RABGAP1L: variants seen among roughly 807,000 people sequenced by gnomAD.
The protein encoded by RABGAP1L is rab GTPase-activating protein 1-like.
A neutral mutation model predicts 137.7 loss-of-function variants in RABGAP1L; 63 were observed. The observed-to-expected ratio is 0.46, with a 90% confidence interval of 0.37 to 0.56. The LOEUF (loss-of-function observed/expected upper bound fraction) is 0.56. RABGAP1L is among the 20% of genes least tolerant of loss of function. The pLI is 0.00. For synonymous variants in RABGAP1L, 431 were observed against 433.7 expected (o/e 0.99, Z 0.08); for missense variants, 1,095 against 1,244.0 (o/e 0.88, Z 1.80).
At chr1:174,354,017 T>A (rs889050434) in intron 11 of RABGAP1L, among the ~76,000 whole-genome samples, 1 of 152,210 alleles carries the variant, frequency 6.6e-6, no homozygotes, top group African/African-American at 2.4e-5. Flanking sequence ...CTATCTGATT[T>A]CATGTTGTTG....
chr1:174,454,156 G>A (rs1040600567), intron 13 of RABGAP1L, among the ~76,000 whole-genome samples: 6 of 151,964 alleles, frequency 3.9e-5, no homozygotes, highest in Non-Finnish European at 7.4e-5. Context: ...CCAGCCACTC[G>A]GGAGGCTGAG....
At chr1:174,405,387 A>G (rs1649140361) in intron 13 of RABGAP1L, among the ~76,000 whole-genome samples, 1 of 152,136 alleles carries the variant, frequency 6.6e-6, no homozygotes, top group Non-Finnish European at 1.5e-5. Flanking sequence ...GCTTAATTAT[A>G]TGGCTGCTCT....
chr1:174,707,974 C>T (rs1375959525), intron 17 of RABGAP1L, among the ~76,000 whole-genome samples: 1 of 152,170 alleles, frequency 6.6e-6, no homozygotes, highest in African/African-American at 2.4e-5. Context: ...TTAGTCTTCA[C>T]AGAATAACTG....
In RABGAP1L at chr1:174,483,613, G is replaced by A. The variant is rs550810313; in HGVS notation, c.1710+89468G>A. 5.3e-5 allele frequency among the ~76,000 whole-genome samples: 8 copies of A among 152,170 alleles called. No homozygotes were observed. The South Asian group carries it at 1.5e-3, about 28-fold the overall frequency. Reference sequence around the variant, plus strand: ...TCCCAGCACTTTGGGAGGCTGAGGTGGTCAGAAGTTTGAGAACAGCCTGGC... The same window carrying A: ...TCCCAGCACTTTGGGAGGCTGAGGTAGTCAGAAGTTTGAGAACAGCCTGGC... On this transcript the variant is annotated intron_variant, in intron 13 of 25. Transcript: ENST00000681986.
chr1:174,664,279 C>T (rs1289466070), intron 14 of RABGAP1L, among the ~76,000 whole-genome samples: 5 of 152,100 alleles, frequency 3.3e-5, no homozygotes. Context: ...TATATTTGTA[C>T]ACAGTTTGCA....
At chr1:174,760,900 C>G (rs752001071) in intron 18 of RABGAP1L, among the ~76,000 whole-genome samples, 2 of 152,178 alleles carry the variant, frequency 1.3e-5, no homozygotes, top group Non-Finnish European at 2.9e-5. Flanking sequence ...ATTTAGTAAA[C>G]ACCTATTTAG....
intron 18 of RABGAP1L, chr1:174,800,439 C>T (rs543292480): frequency 4.5e-6 from 7 of 1,550,880 alleles, no homozygotes; most frequent in East Asian, 2.4e-5. Flanking sequence ...AATGAGTATG[C>T]GTGTCGAGTG....
At position 174,514,224 on chromosome 1, in the gene RABGAP1L, G is replaced by A. The variant is rs1006277488; in HGVS notation, c.1710+120079G>A. Among the ~76,000 whole-genome samples, 4 of 121,220 alleles carry A rather than the reference G, an allele frequency of 3.3e-5. No individual in the cohort carries two copies. In the East Asian group the frequency reaches 1.1e-3, roughly 33 times the overall value. The allele number at this position is 121,220 out of a possible 152,430, so 79.5% of individuals were successfully genotyped here. On this transcript the variant is annotated intron_variant, in intron 13 of 25. Transcript: ENST00000681986. ...TTGTGATACTGGATTTTTAAATCAT[G>A]AAGCATGTGTTATATTTTAAGCCAA...
At chr1:174,521,512 T>C (rs1248151900) in intron 13 of RABGAP1L, among the ~76,000 whole-genome samples, 2 of 152,348 alleles carry the variant, frequency 1.3e-5, no homozygotes, top group East Asian at 3.9e-4. Flanking sequence ...TCTGGTTAGA[T>C]ACAAAGATAT....
intron 19 of RABGAP1L, among the ~76,000 whole-genome samples, chr1:174,837,207 C>CA (rs35135708): frequency 0.091 from 12,627 of 139,028 alleles, 1,688 homozygotes; most frequent in African/African-American, 0.31. Context: ...AACTCGGTCT[C>CA]AAAAAAAAAA....
rs1222189319 is a variant in RABGAP1L at position 174,394,146 on chromosome 1, G to A, written c.1710+1G>A. The A allele has an allele frequency of 1.2e-6, 2 of 1,608,762 alleles. No homozygotes were observed. The highest frequency in any genetic ancestry group is 1.7e-6 in the Non-Finnish European group (2 of 1,178,214). ...TAGATACCGAATTCTTATCACAAAG[G>A]TAGGAAGAAGTTCTTTTCATATTAT... On this transcript the variant is annotated splice_donor_variant, in intron 13 of 25. Coordinates refer to ENST00000681986, the MANE Select transcript of RABGAP1L (RefSeq NM_001366446.1). LOFTEE classifies it high-confidence loss of function.
At position 174,243,491 on chromosome 1, in the gene RABGAP1L, CTTA is replaced by C. The variant is rs201828996; in HGVS notation, c.717+1839_717+1841del. On this transcript the variant is annotated intron_variant, in intron 5 of 25. Coordinates refer to ENST00000681986, the MANE Select transcript of RABGAP1L (RefSeq NM_001366446.1). ...AAATACATGACAGTGGTCATTAAACCTTATTATGAGACATTATTTCTTTTTAAA... is the reference window on the plus strand; with the variant it reads ...AAATACATGACAGTGGTCATTAAACCTTATGAGACATTATTTCTTTTTAAA... Among the ~76,000 whole-genome samples, 108 of 152,098 alleles carry C rather than the reference CTTA, an allele frequency of 7.1e-4. 1 individual carries two copies. In the East Asian group the frequency reaches 0.019, roughly 27 times the overall value.
intron 17 of RABGAP1L, among the ~76,000 whole-genome samples, chr1:174,743,519 GTT>G (rs759745187): frequency 3.3e-5 from 5 of 152,078 alleles, no homozygotes; most frequent in Admixed American, 1.3e-4. Context: ...GTTTCTGAAA[GTT>G]TTATCTAATT....
intron 7 of RABGAP1L, among the ~76,000 whole-genome samples, chr1:174,269,718 A>C (rs1351524057): frequency 2.6e-5 from 4 of 152,130 alleles, no homozygotes; most frequent in Non-Finnish European, 4.4e-5. Context: ...ATTATGTTGG[A>C]TGTCTCTTCT....
At chr1:174,420,225 A>G (rs1264567797) in intron 13 of RABGAP1L, among the ~76,000 whole-genome samples, 1 of 141,800 alleles carries the variant, frequency 7.1e-6, no homozygotes, top group Non-Finnish European at 1.5e-5. Flanking sequence ...TTTTAAATGG[A>G]TAGAGATGTA....
At chr1:174,556,290 C>T (rs930614099) in intron 13 of RABGAP1L, among the ~76,000 whole-genome samples, 5 of 152,150 alleles carry the variant, frequency 3.3e-5, no homozygotes, top group African/African-American at 1.2e-4. Context: ...GCCACCACTC[C>T]TGGCCTCTTT....
intron 13 of RABGAP1L, among the ~76,000 whole-genome samples, chr1:174,616,175 A>G (rs1671838340): frequency 6.6e-6 from 1 of 152,112 alleles, no homozygotes; most frequent in South Asian, 2.1e-4. Context: ...TGCGTCGCTC[A>G]TGCTAGGAGC....
intron 13 of RABGAP1L, among the ~76,000 whole-genome samples, chr1:174,410,873 C>T (rs752385181): frequency 5.3e-5 from 8 of 152,038 alleles, no homozygotes; most frequent in Non-Finnish European, 1.0e-4. Flanking sequence ...AATCCATGAT[C>T]GTGGAATTTT....
intron 13 of RABGAP1L, among the ~76,000 whole-genome samples, chr1:174,516,540 T>C (rs936063232): frequency 1.3e-5 from 2 of 152,086 alleles, no homozygotes; most frequent in Admixed American, 6.6e-5. Context: ...AATATTAATT[T>C]GAAGAACATC....
Sources: allele counts gnomAD v4.1 joint callset (sites outside exome capture counted in the v4.1 genomes callset), GRCh38; gene constraint gnomAD v4.1.1; transcripts MANE v1.5; gene names NCBI Gene and HGNC (gene_info 2026-07-23, HGNC 2026-07-21).